Variants in NTRK2 observed in about 807,000 individuals in gnomAD.
NTRK2 encodes BDNF/NT-3 growth factors receptor.
NTRK2 carries 13 observed loss-of-function variants against 94.5 expected under a neutral mutation model. The ratio of observed to expected loss-of-function variants is 0.14; its 90% CI spans 0.09 to 0.22. NTRK2 has a LOEUF of 0.22. NTRK2 is among the 10% of genes least tolerant of loss of function. The probability of loss-of-function intolerance (pLI) is 1.00; values close to 1 mark genes in which losing one functional copy is unlikely to be tolerated. For missense variants in NTRK2, 639 were observed against 1,071.2 expected (o/e 0.60, Z 5.63); for synonymous variants, 372 against 407.4 (o/e 0.91, Z 1.05).
intron 17 of NTRK2, among the ~76,000 whole-genome samples, chr9:84,987,060 A>G (rs1391718432): frequency 1.3e-5 from 2 of 152,220 alleles, no homozygotes; most frequent in Admixed American, 1.3e-4. Context: ...ATGGGATCAT[A>G]TATTTGATAC....
rs370416098 is a variant in NTRK2 at position 84,995,684 on chromosome 9, A to C, written c.2173-24522A>C. On this transcript the variant is annotated intron_variant, in intron 17 of 18. Transcript: ENST00000277120. Reference sequence around the variant, plus strand: ...CTTGCTGGGTTGTTGCAAGCACTAAATATACTACATATATAAAGAACTAGC... The same window carrying C: ...CTTGCTGGGTTGTTGCAAGCACTAACTATACTACATATATAAAGAACTAGC... Among the ~76,000 whole-genome samples, 5 of 152,288 alleles carry C rather than the reference A, an allele frequency of 3.3e-5. No individual in the cohort carries two copies. The East Asian group carries it at 9.6e-4, about 29-fold the overall frequency.
chr9:84,978,382 G>A (rs949726522), intron 17 of NTRK2, among the ~76,000 whole-genome samples: 3 of 152,128 alleles, frequency 2.0e-5, no homozygotes, highest in African/African-American at 7.2e-5. Flanking sequence ...ATAGAAGATC[G>A]AAACAGTCAC....
At chr9:84,689,667 A>T (rs929055449) in intron 2 of NTRK2, among the ~76,000 whole-genome samples, 1 of 152,170 alleles carries the variant, frequency 6.6e-6, no homozygotes, top group African/African-American at 2.4e-5. Context: ...TTTTAAGTTC[A>T]TATTTCAGTG....
intron 14 of NTRK2, among the ~76,000 whole-genome samples, chr9:84,886,955 A>G (rs1007798526): frequency 6.6e-6 from 1 of 152,206 alleles, no homozygotes; most frequent in Non-Finnish European, 1.5e-5. Context: ...TGAAGGAGTA[A>G]AACCTGGTAA....
intron 2 of NTRK2, among the ~76,000 whole-genome samples, chr9:84,672,436 G>A (rs935267675): frequency 2.0e-5 from 3 of 152,198 alleles, no homozygotes; most frequent in Non-Finnish European, 4.4e-5. Flanking sequence ...GCTGGTTGAG[G>A]CTTACCAGGC....
chr9:84,794,587 A>G (rs1456253352), intron 12 of NTRK2, among the ~76,000 whole-genome samples: 4 of 152,244 alleles, frequency 2.6e-5, no homozygotes, highest in Non-Finnish European at 5.9e-5. Flanking sequence ...TGAGCTATGT[A>G]TAAAATGTGC....
chr9:84,810,496 T>C (rs779600128), intron 12 of NTRK2: 3 of 1,558,404 alleles, frequency 1.9e-6, no homozygotes, highest in Non-Finnish European at 2.6e-6. Flanking sequence ...TTTTCATTGA[T>C]TTTTCTTTTG....
At chr9:84,846,393 T>C (rs1484284116) in intron 12 of NTRK2, among the ~76,000 whole-genome samples, 1 of 152,192 alleles carries the variant, frequency 6.6e-6, no homozygotes. Context: ...AAGAAACAAG[T>C]GGAAATTTAA....
intron 8 of NTRK2, among the ~76,000 whole-genome samples, chr9:84,725,203 G>A (rs2062358187): frequency 6.6e-6 from 1 of 152,066 alleles, no homozygotes; most frequent in Non-Finnish European, 1.5e-5. Flanking sequence ...TAGACCCATG[G>A]CCATAGCTGG....
At chr9:84,900,650 T>A (rs1284441823) in intron 14 of NTRK2, among the ~76,000 whole-genome samples, 1 of 152,084 alleles carries the variant, frequency 6.6e-6, no homozygotes, top group Non-Finnish European at 1.5e-5. Context: ...ATATGTGCAC[T>A]TGTGAGTCTA....
chr9:84,693,250 T>A (rs891125955), intron 2 of NTRK2, among the ~76,000 whole-genome samples: 3 of 152,228 alleles, frequency 2.0e-5, no homozygotes, highest in Admixed American at 2.0e-4. Flanking sequence ...TCATGCTACT[T>A]GTAGACTGAG....
intron 17 of NTRK2, among the ~76,000 whole-genome samples, chr9:84,985,703 A>G (rs1828208041): frequency 6.6e-6 from 1 of 152,248 alleles, no homozygotes; most frequent in African/African-American, 2.4e-5. Flanking sequence ...TGCAAGATTC[A>G]TTGCATGGAA....
intron 11 of NTRK2, among the ~76,000 whole-genome samples, chr9:84,745,362 A>G (rs2063977679): frequency 6.6e-6 from 1 of 152,202 alleles, no homozygotes; most frequent in Non-Finnish European, 1.5e-5. Context: ...CAGCTTTATC[A>G]TTCAGGGACT....
chr9:84,699,072 T>C (rs552939206), intron 2 of NTRK2, among the ~76,000 whole-genome samples: 8 of 150,952 alleles, frequency 5.3e-5, no homozygotes, highest in African/African-American at 1.9e-4. Flanking sequence ...AGTCTTGCAC[T>C]GTTGCCCAGG....
At chr9:85,010,517 C>A (rs1831447760) in intron 17 of NTRK2, among the ~76,000 whole-genome samples, 1 of 152,188 alleles carries the variant, frequency 6.6e-6, no homozygotes, top group South Asian at 2.1e-4. Context: ...GAATGCACAA[C>A]TTCCCATTGC....
At chr9:84,983,564 A>G (rs934397672) in intron 17 of NTRK2, among the ~76,000 whole-genome samples, 8 of 152,186 alleles carry the variant, frequency 5.3e-5, no homozygotes, top group Non-Finnish European at 8.8e-5. Context: ...TCATTTGAAG[A>G]TCTCAGTGAT....
intron 17 of NTRK2, among the ~76,000 whole-genome samples, chr9:84,980,211 A>G (rs981986204): frequency 1.5e-4 from 23 of 152,104 alleles, no homozygotes; most frequent in Non-Finnish European, 4.4e-5. Context: ...TATATTTTTG[A>G]TGGCTAAACA....
At chr9:84,689,592 T>C (rs968791426) in intron 2 of NTRK2, among the ~76,000 whole-genome samples, 1 of 152,176 alleles carries the variant, frequency 6.6e-6, no homozygotes. Flanking sequence ...AGACATCTTA[T>C]CCTTTTTTTA....
At chr9:84,840,192 C>T (rs1014523224) in intron 12 of NTRK2, among the ~76,000 whole-genome samples, 3 of 151,914 alleles carry the variant, frequency 2.0e-5, no homozygotes. Flanking sequence ...GTGAACATTC[C>T]CTTGAATTTG....
Sources: gnomAD v4.1 joint callset for allele counts (sites outside exome capture counted in the v4.1 genomes callset) on GRCh38, gnomAD v4.1.1 for gene constraint, MANE v1.5 for transcripts, NCBI Gene and HGNC (gene_info 2026-07-23, HGNC 2026-07-21) for gene names.